Variants in ST8SIA5 observed in about 807,000 individuals in gnomAD.
ST8SIA5 encodes the protein ST8 alpha-N-acetyl-neuraminide alpha-2,8-sialyltransferase 5.
A neutral mutation model predicts 40.2 loss-of-function variants in ST8SIA5; 24 were observed. That is an observed-to-expected ratio of 0.60 (90% confidence interval 0.43 to 0.84). The LOEUF is 0.84. Among genes scored for constraint, ST8SIA5 ranks in the 40% least tolerant of loss-of-function variants. ST8SIA5 has a pLI of 0.00. For missense variants in ST8SIA5, 465 were observed against 498.5 expected, an observed-to-expected ratio of 0.93 and a Z score of 0.64; for synonymous variants, 198 against 201.8, an observed-to-expected ratio of 0.98 and a Z score of 0.16.
intron 1 of ST8SIA5, among the ~76,000 whole-genome samples, chr18:46,738,789 G>A (rs1377144578): frequency 1.3e-5 from 2 of 152,170 alleles, no homozygotes; most frequent in East Asian, 1.9e-4. Context: ...CCTGGGTCGG[G>A]GGAGAGTTGG....
intron 1 of ST8SIA5, among the ~76,000 whole-genome samples, chr18:46,719,682 T>TTTTCTTTCTTTCTTTC (rs56825204): frequency 0.026 from 2,771 of 107,124 alleles, 109 homozygotes; most frequent in African/African-American, 0.039. Flanking sequence ...TTCTTTTCTT[T>TTTTCTTTCTTTCTTTC]TTTCTTTCTT....
At chr18:46,729,728 C>T (rs1316135926) in intron 1 of ST8SIA5, among the ~76,000 whole-genome samples, 1 of 152,234 alleles carries the variant, frequency 6.6e-6, no homozygotes. Flanking sequence ...CACTAAGACT[C>T]CAAAAGAATG....
In ST8SIA5 at chr18:46,682,035, T is replaced by A; in HGVS notation, c.599A>T (p.Tyr200Phe). 2 of 1,610,886 alleles carry A rather than the reference T, an allele frequency of 1.2e-6. No individual in the cohort carries two copies. The highest frequency in any genetic ancestry group is 1.7e-6 in the Non-Finnish European group (2 of 1,179,152). ...CGTCTTCACCCCCACATCCATGGTG[T>A]ACTTCTCTGAGATGGGGGGCAGGTT... Reference protein sequence around the residue: ...RCNLPPISEKYTMDVGVKTDV... With the variant: ...RCNLPPISEKFTMDVGVKTDV... Residue 200 changes from tyrosine (Y) to phenylalanine (F), a missense_variant, in exon 6 of 7, where the codon TAC becomes TTC. Coordinates refer to ENST00000315087, the MANE Select transcript of ST8SIA5 (RefSeq NM_013305.6).
At chr18:46,717,353 T>G (rs12960641) in intron 1 of ST8SIA5, among the ~76,000 whole-genome samples, 6 of 151,728 alleles carry the variant, frequency 4.0e-5, no homozygotes, top group Non-Finnish European at 7.4e-5. Context: ...CTTTTTTTTT[T>G]AGACGGAGTT....
At chr18:46,734,005 G>A (rs1008137593) in intron 1 of ST8SIA5, among the ~76,000 whole-genome samples, 6 of 152,166 alleles carry the variant, frequency 3.9e-5, no homozygotes, top group Admixed American at 3.3e-4. Context: ...GGCTCTGACC[G>A]CCCTTCCCCC....
chr18:46,743,050 C>A (rs978726254), intron 1 of ST8SIA5, among the ~76,000 whole-genome samples: 1 of 152,212 alleles, frequency 6.6e-6, no homozygotes, highest in Non-Finnish European at 1.5e-5. Flanking sequence ...TACACCAAAA[C>A]GCCATTTGTA....
intron 1 of ST8SIA5, among the ~76,000 whole-genome samples, chr18:46,755,583 A>G (rs2040235251): frequency 1.3e-5 from 2 of 152,124 alleles, no homozygotes; most frequent in African/African-American, 2.4e-5. Context: ...AGTGGCTGGC[A>G]TTTCAGTGTA....
chr18:46,711,084 G>T (rs924693198), intron 1 of ST8SIA5, among the ~76,000 whole-genome samples: 4 of 152,146 alleles, frequency 2.6e-5, no homozygotes, highest in Non-Finnish European at 5.9e-5. Flanking sequence ...TTCCACACTG[G>T]TTAGAGACAC....
rs1290873193 is a variant in ST8SIA5 at position 46,686,176 on chromosome 18, G to A, written c.567C>T (p.Phe189=). Residue 189 remains phenylalanine (F), a splice_region_variant and synonymous_variant, in exon 5 of 7, where the codon TTC becomes TTT. Coordinates refer to ENST00000315087, the MANE Select transcript of ST8SIA5 (RefSeq NM_013305.6). ...GGCAGTGCCAGGGTTTCTTTTACCG[G>A]AAGACGAAGTCGGCGCTGTTGATCT... is the stretch of plus-strand genomic sequence containing the variant. ...GREINSADFV[F]RCNLPPISEK... 1 of 1,614,128 alleles carries A rather than the reference G, an allele frequency of 6.2e-7. No individual in the cohort carries two copies. Among genetic ancestry groups the A allele is most frequent in the Admixed American group, 1.7e-5 (1 of 60,024 alleles).
chr18:46,717,543 T>C (rs1378197128), intron 1 of ST8SIA5, among the ~76,000 whole-genome samples: 1 of 152,060 alleles, frequency 6.6e-6, no homozygotes, highest in Non-Finnish European at 1.5e-5. Flanking sequence ...CCACCCTCTC[T>C]ACTTTTTATA....
chr18:46,741,482 G>A (rs889184320), intron 1 of ST8SIA5, among the ~76,000 whole-genome samples: 22 of 152,234 alleles, frequency 1.4e-4, no homozygotes, highest in Middle Eastern at 3.4e-3. Flanking sequence ...TCTCAAAAAC[G>A]TGCATAAGTC....
rs1399001741 is a variant in ST8SIA5, at chr18:46,673,347, T to C, written c.*6695A>G. ...GTTGCTAGGTACATAGTGGGTTATA[T>C]ATTATATTTGTATGTACAGAAAAGG... On this transcript the variant is annotated 3_prime_UTR_variant, in exon 7 of 7. Coordinates refer to ENST00000315087, the MANE Select transcript of ST8SIA5 (RefSeq NM_013305.6). 6.6e-6 allele frequency: 1 copy of C among 152,172 alleles called. No individual in the cohort carries two copies. Among genetic ancestry groups the C allele is most frequent in the East Asian group, 1.9e-4 (1 of 5,184 alleles). 9.4% of individuals were successfully genotyped at this position (152,172 alleles called of 1,614,324 possible). A position where few individuals can be genotyped will look rare whatever the true frequency, so the allele number is the denominator to read the frequency against.
intron 1 of ST8SIA5, among the ~76,000 whole-genome samples, chr18:46,724,274 G>A (rs908924546): frequency 1.2e-4 from 19 of 152,248 alleles, no homozygotes; most frequent in African/African-American, 4.3e-4. Flanking sequence ...AGGCCCCTTG[G>A]GGCCCTGCCA....
intron 1 of ST8SIA5, among the ~76,000 whole-genome samples, chr18:46,741,767 T>C (rs2144560365): frequency 6.6e-6 from 1 of 152,316 alleles, no homozygotes; most frequent in South Asian, 2.1e-4. Flanking sequence ...CTACACACCA[T>C]TCAATAGATG....
intron 1 of ST8SIA5, among the ~76,000 whole-genome samples, chr18:46,716,065 C>T (rs2144519479): frequency 6.7e-6 from 1 of 148,446 alleles, no homozygotes; most frequent in African/African-American, 2.5e-5. Flanking sequence ...CCCATGAGTG[C>T]TGGGACTGTG....
chr18:46,698,161 C>T (rs1276274630), intron 2 of ST8SIA5, among the ~76,000 whole-genome samples: 2 of 150,524 alleles, frequency 1.3e-5, no homozygotes, highest in African/African-American at 4.9e-5. Flanking sequence ...CAATCCACCA[C>T]ACCAACAATC....
chr18:46,714,802 A>G (rs2039770163), intron 1 of ST8SIA5, among the ~76,000 whole-genome samples: 1 of 152,144 alleles, frequency 6.6e-6, no homozygotes, highest in Non-Finnish European at 1.5e-5. Flanking sequence ...TCACCCCCAG[A>G]GTTGGGTTAA....
At chr18:46,702,496 C>A (rs1016776698) in intron 2 of ST8SIA5, among the ~76,000 whole-genome samples, 1 of 152,208 alleles carries the variant, frequency 6.6e-6, no homozygotes, top group Non-Finnish European at 1.5e-5. Flanking sequence ...GACCCTCTAG[C>A]AATGCAGCTT....
rs990040516 is a variant in ST8SIA5, at chr18:46,674,337, C to T, written c.*5705G>A. ...TGAGGGAAAACAAAAAGAGGCTAGC[C>T]AAGCCCATAAGCCCCCACTAGACAG... On this transcript the variant is annotated 3_prime_UTR_variant, in exon 7 of 7. Coordinates refer to ENST00000315087, the MANE Select transcript of ST8SIA5 (RefSeq NM_013305.6). The T allele has an allele frequency of 2.0e-5, 3 of 152,190 alleles. No individual in the cohort carries two copies. The highest frequency in any genetic ancestry group is 6.5e-5 in the Admixed American group (1 of 15,278). The allele number at this position is 152,190 out of a possible 1,614,324, so 9.4% of individuals were successfully genotyped here.
Sources: gnomAD v4.1 joint callset for allele counts (sites outside exome capture counted in the v4.1 genomes callset) on GRCh38, gnomAD v4.1.1 for gene constraint, MANE v1.5 for transcripts, NCBI Gene and HGNC (gene_info 2026-07-23, HGNC 2026-07-21) for gene names.